The following RALYL variants were observed in gnomAD, a reference collection of about 807,000 sequenced individuals.
The protein encoded by RALYL is RNA-binding Raly-like protein.
In RALYL, 29 loss-of-function variants were observed where a neutral mutation model predicts 35.1. The ratio of observed to expected loss-of-function variants is 0.83; its 90% CI spans 0.61 to 1.13. RALYL has a LOEUF of 1.13. Among genes scored for constraint, RALYL ranks in the 50% most tolerant of loss-of-function variants. The probability of loss-of-function intolerance (pLI) is 0.00; values close to 1 mark genes in which losing one functional copy is unlikely to be tolerated. For missense variants in RALYL, 359 were observed against 360.4 expected (o/e 1.00, Z 0.03); for synonymous variants, 120 against 127.6 (o/e 0.94, Z 0.40).
chr8:84,867,261 G>A lies in RALYL; in HGVS notation c.571+4808G>A, dbSNP rs758746254. On this transcript the variant is annotated intron_variant, in intron 6 of 8. Coordinates refer to ENST00000521268, the MANE Select transcript of RALYL (RefSeq NM_173848.7). ...GGCATCACCTGTCCTCTAACTTCAG[G>A]CCAGTTGTTCGTTTTTTTATTATGG... is the stretch of plus-strand genomic sequence containing the variant. Among the ~76,000 whole-genome samples the A allele has an allele frequency of 3.3e-5, 5 of 152,160 alleles. No individual in the cohort carries two copies. The South Asian group carries it at 8.3e-4, about 25-fold the overall frequency.
intron 1 of RALYL, among the ~76,000 whole-genome samples, chr8:84,199,124 G>A (rs1221646175): frequency 6.6e-6 from 1 of 151,976 alleles, no homozygotes; most frequent in Non-Finnish European, 1.5e-5. Context: ...AGTATACAAG[G>A]GTTCCCTTTT....
At chr8:84,579,871 T>C (rs1026692828) in intron 2 of RALYL, among the ~76,000 whole-genome samples, 10 of 152,222 alleles carry the variant, frequency 6.6e-5, no homozygotes, top group Non-Finnish European at 1.5e-4. Context: ...AGATATGAGC[T>C]ACCATTACAT....
At chr8:84,503,474 A>G (rs2056883702) in intron 1 of RALYL, among the ~76,000 whole-genome samples, 1 of 152,022 alleles carries the variant, frequency 6.6e-6, no homozygotes, top group African/African-American at 2.4e-5. Context: ...CTTCTTTTCA[A>G]TAGAATAAAT....
At chr8:84,755,670 A>G (rs978476373) in intron 2 of RALYL, among the ~76,000 whole-genome samples, 3 of 152,048 alleles carry the variant, frequency 2.0e-5, no homozygotes, top group East Asian at 1.9e-4. Context: ...TCATCTGCCA[A>G]TGTTGTTTCT....
intron 2 of RALYL, among the ~76,000 whole-genome samples, chr8:84,715,638 G>T (rs964746248): frequency 2.0e-5 from 3 of 151,992 alleles, no homozygotes; most frequent in Admixed American, 6.6e-5. Flanking sequence ...GGAATGAAAG[G>T]TTTCCAGAAC....
At chr8:84,380,890 G>A (rs898987476) in intron 1 of RALYL, among the ~76,000 whole-genome samples, 7 of 151,636 alleles carry the variant, frequency 4.6e-5, no homozygotes, top group Non-Finnish European at 8.8e-5. Flanking sequence ...CAAGGGCTCC[G>A]TAACTGAGAA....
At chr8:84,485,415 A>G (rs562894909) in intron 1 of RALYL, among the ~76,000 whole-genome samples, 22 of 152,078 alleles carry the variant, frequency 1.4e-4, no homozygotes, top group Non-Finnish European at 2.6e-4. Flanking sequence ...CCCCATTTCT[A>G]TTAAAAATGT....
At chr8:84,779,237 A>C (rs1452402371) in intron 3 of RALYL, among the ~76,000 whole-genome samples, 6 of 152,242 alleles carry the variant, frequency 3.9e-5, no homozygotes, top group African/African-American at 1.4e-4. Context: ...CAGCATGCCA[A>C]CTTTCAATTA....
intron 8 of RALYL, among the ~76,000 whole-genome samples, chr8:84,895,227 G>A (rs1477281754): frequency 6.6e-6 from 1 of 151,710 alleles, no homozygotes; most frequent in Admixed American, 6.6e-5. Context: ...AACAGATATT[G>A]AAGGCATAAA....
intron 1 of RALYL, among the ~76,000 whole-genome samples, chr8:84,343,903 A>G (rs1849334110): frequency 6.6e-6 from 1 of 151,338 alleles, no homozygotes; most frequent in Non-Finnish European, 1.5e-5. Flanking sequence ...TTTTTTTAAC[A>G]ATTGAAAACG....
At chr8:84,594,540 G>C (rs1814034173) in intron 2 of RALYL, among the ~76,000 whole-genome samples, 1 of 151,842 alleles carries the variant, frequency 6.6e-6, no homozygotes, top group Non-Finnish European at 1.5e-5. Flanking sequence ...AAGATTGGGA[G>C]CAGAGAGCTA....
chr8:84,358,842 T>C (rs2131218421), intron 1 of RALYL, among the ~76,000 whole-genome samples: 1 of 152,178 alleles, frequency 6.6e-6, no homozygotes, highest in South Asian at 2.1e-4. Context: ...CTTTAGGCCC[T>C]AGCATTATAA....
intron 2 of RALYL, among the ~76,000 whole-genome samples, chr8:84,586,454 T>A (rs1812035155): frequency 6.6e-6 from 1 of 152,240 alleles, no homozygotes; most frequent in Non-Finnish European, 1.5e-5. Context: ...GGCTGTTTAC[T>A]AATGACTCTC....
chr8:84,331,537 G>T (rs1037058261), intron 1 of RALYL, among the ~76,000 whole-genome samples: 29 of 152,048 alleles, frequency 1.9e-4, no homozygotes, highest in African/African-American at 6.8e-4. Context: ...TCCCATGAAA[G>T]TTAGTATTTC....
chr8:84,427,553 C>T (rs750433972), intron 1 of RALYL, among the ~76,000 whole-genome samples: 2 of 152,046 alleles, frequency 1.3e-5, no homozygotes, highest in Non-Finnish European at 2.9e-5. Context: ...TAAAAAAAAA[C>T]CTTTCAAGAT....
At chr8:84,388,588 C>G (rs1443659923) in intron 1 of RALYL, among the ~76,000 whole-genome samples, 1 of 151,038 alleles carries the variant, frequency 6.6e-6, no homozygotes, top group African/African-American at 2.4e-5. Flanking sequence ...TCTCTGATGG[C>G]CAGTGATGGT....
chr8:84,890,578 G>A (rs1420423224), intron 8 of RALYL, among the ~76,000 whole-genome samples: 5 of 152,186 alleles, frequency 3.3e-5, no homozygotes, highest in Non-Finnish European at 4.4e-5. Context: ...AGATTCTTGT[G>A]TCCCATTCTG....
At chr8:84,422,500 C>A (rs1345978671) in intron 1 of RALYL, among the ~76,000 whole-genome samples, 1 of 82,404 alleles carries the variant, frequency 1.2e-5, no homozygotes. Context: ...AAAAAACCAG[C>A]TCCTGGATTC....
At chr8:84,468,329 G>A (rs1011206182) in intron 1 of RALYL, among the ~76,000 whole-genome samples, 87 of 152,146 alleles carry the variant, frequency 5.7e-4, no homozygotes, top group African/African-American at 2.0e-3. Flanking sequence ...GCTCTTGTAA[G>A]GCAGGCCTGG....
Sources: allele counts gnomAD v4.1 joint callset (sites outside exome capture counted in the v4.1 genomes callset), GRCh38; gene constraint gnomAD v4.1.1; transcripts MANE v1.5; gene names NCBI Gene and HGNC (gene_info 2026-07-23, HGNC 2026-07-21).